AP4S1: variants seen among roughly 807,000 people sequenced by gnomAD.
AP4S1 encodes the protein AP-4 complex subunit sigma-1.
In AP4S1, 23 loss-of-function variants were observed where a neutral mutation model predicts 19.8. The observed-to-expected ratio is 1.16, with a 90% CI of 0.84 to 1.65. The LOEUF (loss-of-function observed/expected upper bound fraction) is 1.65, where lower values mean the gene tolerates loss of function less well. Among genes scored for constraint, AP4S1 ranks in the 40% most tolerant of loss-of-function variants. AP4S1 has a pLI of 0.00. For missense variants in AP4S1, 166 were observed against 172.8 expected, an observed-to-expected ratio of 0.96 and a Z score of 0.22; for synonymous variants, 46 against 54.1, an observed-to-expected ratio of 0.85 and a Z score of 0.66.
intron 2 of AP4S1, 37 bp from the exon 3 acceptor site, chr14:31,069,806 A>G (rs1428874947): frequency 6.7e-7 from 1 of 1,493,612 alleles, no homozygotes; most frequent in Non-Finnish European, 9.3e-7. Context: ...ACTCTCTCTC[A>G]GCCACAGGAA....
chr14:31,061,959 T>A (rs771816413), intron 1 of AP4S1, among the ~76,000 whole-genome samples: 4 of 152,044 alleles, frequency 2.6e-5, no homozygotes, highest in African/African-American at 4.8e-5. Context: ...ATCGCATTTT[T>A]AACAAAGATT....
Position 31,049,789 on chromosome 14 carries a change from T to C in AP4S1, c.-71-16337T>C, listed in dbSNP as rs117826528. On this transcript the variant is annotated intron_variant, in intron 1 of 5. Transcript: ENST00000542754. ...TAATTTTTTTGCATGTTTTGTAGAG[T>C]CAGGGTTTCATCATGTTGCCCAGTC... 7.8e-3 allele frequency among the ~76,000 whole-genome samples: 1,190 copies of C among 151,694 alleles called. 6 individuals carry two copies. Among genetic ancestry groups the C allele is most frequent in the Non-Finnish European group, 0.012 (844 of 67,942 alleles).
chr14:31,069,904 T>C lies in AP4S1; in HGVS notation c.200T>C (p.Ile67Thr), dbSNP rs753939291. 3.1e-6 allele frequency: 5 copies of C among 1,613,300 alleles called. No homozygotes were observed. Among genetic ancestry groups the C allele is most frequent in the Non-Finnish European group, 4.2e-6 (5 of 1,179,372 alleles). ...TATCGGCAGTATGCAGCTCTCTTCA[T>C]TGTGGTTGGAGTTAATGACACTGAG... Reference protein sequence around the residue: ...LIYRQYAALFIVVGVNDTENE... With the variant: ...LIYRQYAALFTVVGVNDTENE... Residue 67 changes from isoleucine (I) to threonine (T), a missense_variant, in exon 3 of 6, where the codon ATT becomes ACT. Ile to Thr is a moderately conservative substitution (Grantham distance 89). Coordinates refer to ENST00000542754, the MANE Select transcript of AP4S1 (RefSeq NM_001128126.3).
chr14:31,091,219 T>C lies in AP4S1; in HGVS notation c.307-1688T>C, dbSNP rs1014324510. Among the ~76,000 whole-genome samples, 4 of 152,302 alleles carry C rather than the reference T, an allele frequency of 2.6e-5. No individual in the cohort carries two copies. The East Asian group carries it at 5.8e-4, about 22-fold the overall frequency. ...CATGGGTTAAAATTAGATTTCCTTG[T>C]ATCTCAAAGAAAGTTATCTTGGAGA... On this transcript the variant is annotated intron_variant, in intron 5 of 5. Transcript: ENST00000542754.
chr14:31,058,517 CTGTGTGTG>C (rs1241249693), intron 1 of AP4S1, among the ~76,000 whole-genome samples: 9 of 139,458 alleles, frequency 6.5e-5, no homozygotes, highest in African/African-American at 2.4e-4. Context: ...TTCCCCATCT[CTGTGTGTG>C]TATGTGTGTG....
chr14:31,065,495 A>G (rs573606706), intron 1 of AP4S1, among the ~76,000 whole-genome samples: 86 of 152,176 alleles, frequency 5.7e-4, no homozygotes, highest in Admixed American at 8.5e-4. Flanking sequence ...AGTCCTTACT[A>G]TTTCATCTTC....
chr14:31,077,566 C>A (rs1887427615), intron 4 of AP4S1, among the ~76,000 whole-genome samples: 1 of 152,064 alleles, frequency 6.6e-6, no homozygotes, highest in South Asian at 2.1e-4. Context: ...AAATTCTGGG[C>A]CCCATCCCAG....
At chr14:31,069,676 T>C (rs964506497) in intron 2 of AP4S1, among the ~76,000 whole-genome samples, 167 bp from the exon 3 acceptor site, 6 of 152,222 alleles carry the variant, frequency 3.9e-5, no homozygotes. Flanking sequence ...TGCTTCCAAG[T>C]GGTCCCCTGA....
chr14:31,091,690 C>T (rs543420166), intron 5 of AP4S1, among the ~76,000 whole-genome samples: 191 of 152,184 alleles, frequency 1.3e-3, no homozygotes, highest in Middle Eastern at 3.4e-3. Flanking sequence ...TGTAGTTGCA[C>T]TTCACTAAGC....
At chr14:31,070,130 G>C (rs1886923693) in intron 3 of AP4S1, among the ~76,000 whole-genome samples, 1 of 152,130 alleles carries the variant, frequency 6.6e-6, no homozygotes, top group Non-Finnish European at 1.5e-5. Flanking sequence ...AAGTAGCTGG[G>C]ATTACAGGCA....
chr14:31,067,229 T>C (rs1324440244), intron 2 of AP4S1, among the ~76,000 whole-genome samples: 2 of 151,382 alleles, frequency 1.3e-5, no homozygotes, highest in Non-Finnish European at 2.9e-5. Context: ...AAAAGGAGGT[T>C]AAATAGGAAT....
chr14:31,080,349 C>T (rs906271109), intron 4 of AP4S1, among the ~76,000 whole-genome samples: 4 of 152,182 alleles, frequency 2.6e-5, no homozygotes, highest in South Asian at 2.1e-4. Context: ...AAAGATGAAT[C>T]GTGCTGGCCT....
chr14:31,043,627 G>A (rs987062370), intron 1 of AP4S1, among the ~76,000 whole-genome samples: 1 of 152,176 alleles, frequency 6.6e-6, no homozygotes, highest in Non-Finnish European at 1.5e-5. Context: ...CAGAGTTAAC[G>A]TTATTCATAG....
At chr14:31,080,190 C>A (rs1336526435) in intron 4 of AP4S1, among the ~76,000 whole-genome samples, 2 of 152,084 alleles carry the variant, frequency 1.3e-5, no homozygotes, top group African/African-American at 4.8e-5. Flanking sequence ...TATCATTGTG[C>A]CATTGTCTAA....
In AP4S1 at chr14:31,077,262, T is replaced by A. The variant is rs530912498; in HGVS notation, c.295-3311T>A. ...AGCACAAGCTTATTTTTTAAAGTTG[T>A]TTTTTTTCATTTCGCATTTAAATAA... On this transcript the variant is annotated intron_variant, in intron 4 of 5. Transcript: ENST00000542754. 1.5e-4 allele frequency among the ~76,000 whole-genome samples: 23 copies of A among 151,998 alleles called. No homozygotes were observed. The South Asian group carries it at 4.2e-3, about 28-fold the overall frequency.
intron 1 of AP4S1, among the ~76,000 whole-genome samples, chr14:31,038,350 T>C (rs1373380532): frequency 6.6e-6 from 1 of 152,220 alleles, no homozygotes; most frequent in Non-Finnish European, 1.5e-5. Context: ...GAGCCACTTC[T>C]TTGACATTTT....
chr14:31,035,193 CTTTTTTTTTT>C (rs11393950), intron 1 of AP4S1, among the ~76,000 whole-genome samples: 3 of 103,626 alleles, frequency 2.9e-5, no homozygotes, highest in African/African-American at 1.1e-4. Flanking sequence ...ATGGTAATTC[CTTTTTTTTTT>C]TTTTTTTTTT....
chr14:31,060,147 G>A (rs756103285), intron 1 of AP4S1, among the ~76,000 whole-genome samples: 3 of 151,166 alleles, frequency 2.0e-5, no homozygotes, highest in Non-Finnish European at 2.9e-5. Flanking sequence ...TAATACAGTT[G>A]ACTCTTGAAC....
chr14:31,077,137 A>G (rs967188163), intron 4 of AP4S1, among the ~76,000 whole-genome samples: 1 of 151,778 alleles, frequency 6.6e-6, no homozygotes, highest in African/African-American at 2.4e-5. Flanking sequence ...TACTTTTTCC[A>G]TGTTGGTCAG....
Sources: allele counts gnomAD v4.1 joint callset (sites outside exome capture counted in the v4.1 genomes callset), GRCh38; gene constraint gnomAD v4.1.1; transcripts MANE v1.5; gene names NCBI Gene and HGNC (gene_info 2026-07-23, HGNC 2026-07-21).